Variants in ILDR1 observed in about 807,000 individuals in gnomAD.
ILDR1 encodes immunoglobulin like domain containing receptor 1.
A neutral mutation model predicts 62.4 loss-of-function variants in ILDR1; 56 were observed. That is an observed-to-expected ratio of 0.90 (90% CI 0.72 to 1.12). ILDR1 has a LOEUF of 1.12. ILDR1 is among the 50% of genes most tolerant of loss of function. ILDR1 has a pLI of 0.00. For missense variants in ILDR1, 736 were observed against 710.6 expected (o/e 1.04, Z -0.41); for synonymous variants, 284 against 277.8 (o/e 1.02, Z -0.22).
intron 1 of ILDR1, among the ~76,000 whole-genome samples, chr3:122,014,586 T>C (rs1286607062): frequency 6.6e-6 from 1 of 152,244 alleles, no homozygotes; most frequent in Non-Finnish European, 1.5e-5. Context: ...ATTATATAAG[T>C]ACGTCTTCAC....
chr3:122,046,206 G>C, the ILDR1 span, among the ~76,000 whole-genome samples: 4 of 149,634 alleles, frequency 2.7e-5, no homozygotes, highest in South Asian at 8.5e-4. Flanking sequence ...ATGAAATTCT[G>C]GGTTGAAAAT....
intron 2 of ILDR1, 67 bp from the exon 3 acceptor site, chr3:122,005,460 C>A: frequency 6.3e-7 from 1 of 1,577,432 alleles, no homozygotes; most frequent in Non-Finnish European, 8.7e-7. Context: ...AGGTTCCCTT[C>A]CTGCTCCGGG....
the ILDR1 span, among the ~76,000 whole-genome samples, chr3:122,050,763 T>C: frequency 1.3e-5 from 2 of 152,206 alleles, no homozygotes; most frequent in African/African-American, 4.8e-5. Flanking sequence ...TGTTTTTGTA[T>C]TGCTGTTTAG....
At chr3:121,996,190 C>T (rs916820849) in intron 5 of ILDR1, among the ~76,000 whole-genome samples, 1 of 152,198 alleles carries the variant, frequency 6.6e-6, no homozygotes, top group African/African-American at 2.4e-5. Flanking sequence ...AGCCACTCCT[C>T]CTGCTTCCTT....
intron 7 of ILDR1, 39 bp from the exon 8 acceptor site, chr3:121,988,447 T>G: frequency 6.5e-7 from 1 of 1,544,338 alleles, no homozygotes; most frequent in Non-Finnish European, 9.0e-7. Context: ...AAAAATCCAG[T>G]CAGTGCAATC....
chr3:122,003,076 G>C (rs2071552227), intron 3 of ILDR1, among the ~76,000 whole-genome samples: 1 of 152,142 alleles, frequency 6.6e-6, no homozygotes, highest in Non-Finnish European at 1.5e-5. Context: ...ACCCTCTTCT[G>C]TCCTGAAAGG....
intron 5 of ILDR1, among the ~76,000 whole-genome samples, chr3:121,997,786 C>T (rs746776109): frequency 3.9e-5 from 6 of 152,126 alleles, no homozygotes; most frequent in Non-Finnish European, 7.4e-5. Context: ...GGATGAAAGC[C>T]GTTTCTCCAG....
At chr3:122,011,332 C>A (rs2071699008) in intron 1 of ILDR1, among the ~76,000 whole-genome samples, 1 of 152,004 alleles carries the variant, frequency 6.6e-6, no homozygotes, top group African/African-American at 2.4e-5. Context: ...TTGAAGATTG[C>A]AGAATCTGAC....
At chr3:122,009,116 A>T (rs7650422) in intron 1 of ILDR1, among the ~76,000 whole-genome samples, 33,983 of 151,168 alleles carry the variant, frequency 0.22, 3,943 homozygotes, top group South Asian at 0.31. Context: ...TTTTTAGTAG[A>T]GATGAAGTCT....
Position 121,987,459 on chromosome 3 carries a change from T to C in ILDR1, c.*908A>G, listed in dbSNP as rs542859126. 15 of 152,072 alleles carry C rather than the reference T, an allele frequency of 9.9e-5. No homozygotes were observed. The highest frequency in any genetic ancestry group is 1.5e-4 in the Non-Finnish European group (10 of 68,008). The allele number at this position is 152,072 out of a possible 1,614,324, so 9.4% of individuals were successfully genotyped here. Reference sequence around the variant, plus strand: ...TACACAATATATATGAAAATATAAATTAGATATACAGGTAAAAAAAGAGCA... The same window carrying C: ...TACACAATATATATGAAAATATAAACTAGATATACAGGTAAAAAAAGAGCA... On this transcript the variant is annotated 3_prime_UTR_variant, in exon 8 of 8. Coordinates refer to ENST00000344209, the MANE Select transcript of ILDR1 (RefSeq NM_001199799.2).
Position 122,022,112 on chromosome 3 carries a change from CT to C in ILDR1, c.-36del. ...TTTCTGGCCCTTTTCAGCTCAGGGG[CT>C]TCGGGGCACTGCGTCTTTCTTCCTC... On this transcript the variant is annotated 5_prime_UTR_variant, in exon 1 of 8. Coordinates refer to ENST00000344209, the MANE Select transcript of ILDR1 (RefSeq NM_001199799.2). 1 of 1,557,714 alleles carries C rather than the reference CT, an allele frequency of 6.4e-7. No individual in the cohort carries two copies. Among genetic ancestry groups the C allele is most frequent in the Non-Finnish European group, 8.7e-7 (1 of 1,143,750 alleles).
At chr3:121,995,821 C>T (rs144181700) in intron 5 of ILDR1, among the ~76,000 whole-genome samples, 139 of 152,302 alleles carry the variant, frequency 9.1e-4, no homozygotes, top group African/African-American at 3.1e-3. Context: ...AATCTCTTCA[C>T]GTGGGAATCC....
chr3:122,027,347 G>A, the ILDR1 span, among the ~76,000 whole-genome samples: 5 of 151,994 alleles, frequency 3.3e-5, no homozygotes, highest in Admixed American at 1.3e-4. Context: ...CCACCACTAC[G>A]TCCAGCTAAT....
intron 4 of ILDR1, 94 bp downstream of exon 4, chr3:122,001,651 G>C: frequency 6.4e-7 from 1 of 1,563,018 alleles, no homozygotes; most frequent in Non-Finnish European, 8.8e-7. Flanking sequence ...CAAGAACTTA[G>C]GCTTGCTTAT....
At chr3:122,031,690 A>G in the ILDR1 span, among the ~76,000 whole-genome samples, 11 of 152,102 alleles carry the variant, frequency 7.2e-5, no homozygotes, top group Admixed American at 4.6e-4. Flanking sequence ...GAAGATAGCC[A>G]TCTATGAACC....
chr3:122,040,108 A>G, the ILDR1 span, among the ~76,000 whole-genome samples: 1 of 152,046 alleles, frequency 6.6e-6, no homozygotes, highest in Non-Finnish European at 1.5e-5. Context: ...TTTCACATAC[A>G]TGAAAGATTT....
rs544973167 is a variant in ILDR1, at chr3:121,994,810, C to G, written c.647-497G>C. Among the ~76,000 whole-genome samples, 29 of 152,298 alleles carry G rather than the reference C, an allele frequency of 1.9e-4. No individual in the cohort carries two copies. In the South Asian group the frequency reaches 5.8e-3, roughly 30 times the overall value. The stretch of plus-strand genomic sequence containing the variant: ...ATACTGAAGATAATGGGCAGAATTA[C>G]TTGGCAATTGCATGGAAGAGTATTT... On this transcript the variant is annotated intron_variant, in intron 5 of 7. Transcript: ENST00000344209.
chr3:122,051,814 T>C, the ILDR1 span, among the ~76,000 whole-genome samples: 1 of 152,212 alleles, frequency 6.6e-6, no homozygotes, highest in African/African-American at 2.4e-5. Flanking sequence ...ATCTTTAGCC[T>C]GGCTAAAGAT....
upstream of ILDR1, among the ~76,000 whole-genome samples, chr3:122,023,179 A>G (rs992333771): frequency 1.3e-5 from 2 of 151,690 alleles, no homozygotes; most frequent in African/African-American, 4.8e-5. Context: ...TAAAAATATT[A>G]TAAGTAGGTA....
Sources: gnomAD v4.1 joint callset for allele counts (sites outside exome capture counted in the v4.1 genomes callset) on GRCh38, gnomAD v4.1.1 for gene constraint, MANE v1.5 for transcripts, NCBI Gene and HGNC (gene_info 2026-07-23, HGNC 2026-07-21) for gene names.